ERP44: variants seen among roughly 807,000 people sequenced by gnomAD.
The protein encoded by ERP44 is endoplasmic reticulum resident protein 44.
Under a neutral mutation model 53.4 loss-of-function variants are expected in ERP44, and 25 were observed. That is an observed-to-expected ratio of 0.47 (90% CI 0.34 to 0.65). The LOEUF (loss-of-function observed/expected upper bound fraction) is 0.65, where lower values mean the gene tolerates loss of function less well. ERP44 is among the 30% of genes least tolerant of loss of function. ERP44 has a pLI of 0.01. For missense variants in ERP44, 338 were observed against 493.2 expected (o/e 0.69, Z 2.98); for synonymous variants, 145 against 161.2 (o/e 0.90, Z 0.76).
intron 7 of ERP44, among the ~76,000 whole-genome samples, chr9:100,016,851 T>C (rs1564090565): frequency 6.6e-6 from 1 of 152,230 alleles, no homozygotes; most frequent in Non-Finnish European, 1.5e-5. Context: ...ACCAGGGAGC[T>C]AATAATCTAA....
rs1319681455 is a variant in ERP44 at position 100,057,845 on chromosome 9, C to T, written c.145G>A (p.Ala49Thr). The T allele has an allele frequency of 6.2e-7, 1 of 1,604,182 alleles. No individual in the cohort carries two copies. The change falls in exon 3 of 12, where the codon GCT becomes ACT. Residue 49 changes from alanine (A) to threonine (T), a missense_variant. Transcript: ENST00000262455. The stretch of plus-strand genomic sequence containing the variant: ...CAGTCAGCATAAAAATTTACTAAAG[C>T]AACATCAGCATTGTCTGAAATTGAA... Reference protein sequence around the residue: ...IDEILNNADVALVNFYADWCR... With the variant: ...IDEILNNADVTLVNFYADWCR...
At chr9:100,057,519 CA>C (rs1266869871) in intron 3 of ERP44, among the ~76,000 whole-genome samples, 2 of 152,188 alleles carry the variant, frequency 1.3e-5, no homozygotes, top group Non-Finnish European at 2.9e-5. Flanking sequence ...CCTTCTTCCA[CA>C]GTCAGGACAA....
intron 11 of ERP44, among the ~76,000 whole-genome samples, chr9:99,983,551 CAAAAAA>C (rs59132233): frequency 4.5e-5 from 3 of 66,974 alleles, no homozygotes; most frequent in African/African-American, 2.0e-4. Context: ...GACTCCGTCT[CAAAAAA>C]AAAAAAAAAA....
intron 4 of ERP44, among the ~76,000 whole-genome samples, chr9:100,049,053 C>T (rs945006075): frequency 4.0e-5 from 6 of 151,746 alleles, no homozygotes; most frequent in South Asian, 2.1e-4. Flanking sequence ...GTAGAATGGG[C>T]GAAAATATTT....
intron 1 of ERP44, among the ~76,000 whole-genome samples, chr9:100,067,961 C>G (rs1248248760): frequency 6.6e-6 from 1 of 151,504 alleles, no homozygotes; most frequent in African/African-American, 2.4e-5. Flanking sequence ...CGCCCGGCAG[C>G]CACCCCGTCC....
At chr9:100,018,487 A>C (rs1211249926) in intron 6 of ERP44, among the ~76,000 whole-genome samples, 174 bp from the exon 7 acceptor site, 1 of 152,180 alleles carries the variant, frequency 6.6e-6, no homozygotes, top group Non-Finnish European at 1.5e-5. Flanking sequence ...TTTAAAGGAA[A>C]ATTTTAGTTA....
chr9:100,005,849 C>T (rs1051257102), intron 10 of ERP44, among the ~76,000 whole-genome samples: 1 of 152,146 alleles, frequency 6.6e-6, no homozygotes, highest in Non-Finnish European at 1.5e-5. Context: ...ACTTGAATAC[C>T]TGTATTGCTT....
intron 1 of ERP44, among the ~76,000 whole-genome samples, chr9:100,064,738 A>G (rs996002022): frequency 6.6e-6 from 1 of 152,172 alleles, no homozygotes; most frequent in Non-Finnish European, 1.5e-5. Context: ...AAATTCCTGG[A>G]GCCTCTTGAT....
chr9:100,020,961 G>A (rs924625337), intron 5 of ERP44, among the ~76,000 whole-genome samples: 7 of 152,070 alleles, frequency 4.6e-5, no homozygotes, highest in African/African-American at 1.4e-4. Context: ...TCCTTCCAGC[G>A]TTCAAAATTC....
At chr9:100,071,944 G>C (rs1032263755) in intron 1 of ERP44, among the ~76,000 whole-genome samples, 2 of 152,036 alleles carry the variant, frequency 1.3e-5, no homozygotes, top group Non-Finnish European at 2.9e-5. Flanking sequence ...AAACCTCTGT[G>C]TTTTAAAAAT....
chr9:100,088,672 A>C (rs562109209), intron 1 of ERP44, among the ~76,000 whole-genome samples: 2 of 152,342 alleles, frequency 1.3e-5, no homozygotes, highest in South Asian at 2.1e-4. Context: ...GCATGGAATA[A>C]CACCACCACT....
In ERP44 at chr9:99,984,973, T is replaced by A; in HGVS notation, c.1113A>T (p.Pro371=). ...HHGPDPTDTA[P]GEQAQDVASS... is the part of the protein sequence containing the mutation. ...AAATAAACAGGAGTCCTACCTCTCC[T>A]GGGGCTGTATCAGTTGGGTCAGGTC... Residue 371 remains proline (P), a synonymous_variant, in exon 11 of 12, where the codon CCA becomes CCT. Coordinates refer to ENST00000262455, the MANE Select transcript of ERP44 (RefSeq NM_015051.3). 1 of 1,605,702 alleles carries A rather than the reference T, an allele frequency of 6.2e-7. No homozygotes were observed. The highest frequency in any genetic ancestry group is 8.5e-7 in the Non-Finnish European group (1 of 1,172,704).
chr9:100,003,009 G>A (rs571911907), intron 10 of ERP44, among the ~76,000 whole-genome samples: 210 of 151,576 alleles, frequency 1.4e-3, no homozygotes, highest in Middle Eastern at 3.4e-3. Flanking sequence ...TTTTTCTTCT[G>A]TATGTTTTCA....
chr9:99,993,098 T>A (rs1184175417), intron 10 of ERP44, among the ~76,000 whole-genome samples: 5 of 152,144 alleles, frequency 3.3e-5, no homozygotes, highest in African/African-American at 1.2e-4. Context: ...CCAAGGTAAT[T>A]TATAGATTCA....
intron 4 of ERP44, 29 bp from the exon 5 acceptor site, chr9:100,022,255 C>G (rs1830599814): frequency 1.3e-6 from 2 of 1,588,774 alleles, no homozygotes; most frequent in African/African-American, 2.7e-5. Flanking sequence ...ATTATTTACC[C>G]TCATATGTAG....
In ERP44 at chr9:100,018,575, C is replaced by T. The variant is rs4743376; in HGVS notation, c.588-262G>A. Among the ~76,000 whole-genome samples, 102,516 of 151,810 alleles carry T rather than the reference C, an allele frequency of 0.68. 35,760 individuals are homozygous for T. The highest frequency in any genetic ancestry group is 0.91 in the East Asian group (4,694 of 5,168). On this transcript the variant is annotated intron_variant, in intron 6 of 11. Transcript: ENST00000262455. The stretch of plus-strand genomic sequence containing the variant: ...TTGTTTTTGACCCCAGACTGTTTTC[C>T]GGCAACTAGGGATCAAGGTCATTGG...
chr9:100,011,870 T>C (rs1041577390), intron 8 of ERP44, among the ~76,000 whole-genome samples: 3 of 152,196 alleles, frequency 2.0e-5, no homozygotes, highest in African/African-American at 7.2e-5. Flanking sequence ...GTATCTCTTA[T>C]TCAAAATGCT....
At chr9:100,087,051 G>C (rs1399001430) in intron 1 of ERP44, among the ~76,000 whole-genome samples, 1 of 119,024 alleles carries the variant, frequency 8.4e-6, no homozygotes, top group Non-Finnish European at 1.7e-5. Flanking sequence ...TACAGTAAAA[G>C]GGAGAATATT....
intron 10 of ERP44, among the ~76,000 whole-genome samples, chr9:99,995,873 T>C (rs1265648014): frequency 6.6e-6 from 1 of 152,052 alleles, no homozygotes; most frequent in Non-Finnish European, 1.5e-5. Context: ...ATTTCCTATC[T>C]TTTGGATAGA....
Sources: gnomAD v4.1 joint callset for allele counts (sites outside exome capture counted in the v4.1 genomes callset) on GRCh38, gnomAD v4.1.1 for gene constraint, MANE v1.5 for transcripts, NCBI Gene and HGNC (gene_info 2026-07-23, HGNC 2026-07-21) for gene names.